Variants in MAD1L1 observed in about 807,000 individuals in gnomAD.
MAD1L1 encodes mitotic arrest deficient 1 like 1.
Under a neutral mutation model 96.9 loss-of-function variants are expected in MAD1L1, and 95 were observed. The ratio of observed to expected loss-of-function variants is 0.98; its 90% CI spans 0.83 to 1.16. The LOEUF (loss-of-function observed/expected upper bound fraction) is 1.16. Ranked by LOEUF, MAD1L1 falls within the 50% of genes most tolerant of loss-of-function variation. MAD1L1 has a pLI of 0.00. For synonymous variants in MAD1L1, 473 were observed against 396.6 expected (o/e 1.19, Z -2.29); for missense variants, 1,007 against 954.4 (o/e 1.06, Z -0.73).
At chr7:2,009,464 C>T (rs1039247731) in intron 13 of MAD1L1, among the ~76,000 whole-genome samples, 1 of 151,262 alleles carries the variant, frequency 6.6e-6, no homozygotes, top group Non-Finnish European at 1.5e-5. Flanking sequence ...AGGCCTCCAC[C>T]TTCCTGGCCA....
At chr7:1,867,814 G>A (rs1784851237) in intron 18 of MAD1L1, among the ~76,000 whole-genome samples, 1 of 152,208 alleles carries the variant, frequency 6.6e-6, no homozygotes, top group South Asian at 2.1e-4. Context: ...CATCAGCTCT[G>A]GGACAATAAT....
At chr7:2,139,231 GGCCCGAC>G (rs1788904377) in intron 11 of MAD1L1, among the ~76,000 whole-genome samples, 1 of 151,960 alleles carries the variant, frequency 6.6e-6, no homozygotes, top group South Asian at 2.1e-4. Flanking sequence ...GGGATCACAC[GGCCCGAC>G]CCCCTGAGCC....
chr7:1,822,442 A>ATATATATATTT (rs768089526), intron 18 of MAD1L1, among the ~76,000 whole-genome samples: 2,300 of 140,372 alleles, frequency 0.016, 56 homozygotes, highest in Admixed American at 0.045. Context: ...ATATATATAT[A>ATATATATATTT]TTTTTTTTTT....
At chr7:2,081,749 C>G (rs1269971529) in intron 11 of MAD1L1, among the ~76,000 whole-genome samples, 2 of 152,182 alleles carry the variant, frequency 1.3e-5, no homozygotes, top group Admixed American at 6.5e-5. Context: ...GAGCTAAGTG[C>G]GAGGGAGAAA....
At chr7:2,067,840 G>T (rs931862594) in intron 12 of MAD1L1, among the ~76,000 whole-genome samples, 1 of 152,142 alleles carries the variant, frequency 6.6e-6, no homozygotes, top group Admixed American at 6.6e-5. Context: ...CACCACCACG[G>T]CGTCCACCTC....
At chr7:2,228,613 T>A (rs1468858920) in intron 3 of MAD1L1, among the ~76,000 whole-genome samples, 2 of 151,352 alleles carry the variant, frequency 1.3e-5, no homozygotes, top group Non-Finnish European at 2.9e-5. Flanking sequence ...ATTACCTTCA[T>A]AATTTCACAA....
At chr7:2,168,638 A>G (rs1013329937) in intron 10 of MAD1L1, among the ~76,000 whole-genome samples, 14 of 152,244 alleles carry the variant, frequency 9.2e-5, no homozygotes, top group Non-Finnish European at 1.9e-4. Context: ...AAAATCGCCT[A>G]AGAATCTCTT....
At chr7:1,919,815 T>A (rs192065455) in intron 17 of MAD1L1, among the ~76,000 whole-genome samples, 23 of 152,304 alleles carry the variant, frequency 1.5e-4, no homozygotes, top group African/African-American at 4.8e-4. Flanking sequence ...CCCTCCTCCA[T>A]CAGCTCAGGA....
Position 2,074,548 on chromosome 7 carries a change from C to T in MAD1L1, c.1074-5210G>A, listed in dbSNP as rs955246779. ...AGCCCATGGAGCTGGCACCTCTAGG[C>T]GCTACGGAATCTGCAGGCTGGCAGG... On this transcript the variant is annotated intron_variant, in intron 11 of 18. Transcript: ENST00000265854. Among the ~76,000 whole-genome samples the T allele has an allele frequency of 3.9e-4, 59 of 152,316 alleles. No individual in the cohort carries two copies. In the East Asian group the frequency reaches 6.0e-3, roughly 15 times the overall value.
At chr7:2,225,054 A>G (rs1793811436) in intron 4 of MAD1L1, among the ~76,000 whole-genome samples, 1 of 152,222 alleles carries the variant, frequency 6.6e-6, no homozygotes, top group Non-Finnish European at 1.5e-5. Context: ...AGCCTCAATG[A>G]ACAGACACAG....
chr7:1,887,803 C>CGTCCTG (rs1447104214), intron 18 of MAD1L1, among the ~76,000 whole-genome samples: 12 of 83,616 alleles, frequency 1.4e-4, no homozygotes, highest in Admixed American at 4.8e-4. Flanking sequence ...ATGTATGTGG[C>CGTCCTG]TGCCTGTGTG....
intron 11 of MAD1L1, among the ~76,000 whole-genome samples, chr7:2,098,793 G>C (rs567684558): frequency 6.6e-6 from 1 of 152,350 alleles, no homozygotes; most frequent in East Asian, 1.9e-4. Context: ...CCACACGCCA[G>C]GCATCACGCA....
chr7:1,993,578 G>GT (rs1375928191), intron 14 of MAD1L1, among the ~76,000 whole-genome samples: 2 of 152,196 alleles, frequency 1.3e-5, no homozygotes, highest in Admixed American at 1.3e-4. Flanking sequence ...ATTTTCTTCT[G>GT]TTTTTTGGAG....
intron 17 of MAD1L1, among the ~76,000 whole-genome samples, chr7:1,902,252 G>C (rs1461973553): frequency 1.3e-5 from 2 of 152,226 alleles, no homozygotes; most frequent in Non-Finnish European, 1.5e-5. Flanking sequence ...GTAAAGGCTA[G>C]CTAGCAGGAA....
intron 18 of MAD1L1, chr7:1,846,167 C>G (rs1187461527): frequency 6.6e-6 from 1 of 152,616 alleles, no homozygotes; most frequent in African/African-American, 2.4e-5. Context: ...AGTGGGGAAC[C>G]TTCCAGGGCC....
chr7:2,064,121 G>A (rs1451668289), intron 12 of MAD1L1, among the ~76,000 whole-genome samples: 2 of 152,158 alleles, frequency 1.3e-5, no homozygotes, highest in Non-Finnish European at 2.9e-5. Context: ...CTGAATCCAA[G>A]GAGGCTGGGG....
rs184108600 is a variant in MAD1L1, at chr7:2,166,164, C to T, written c.987-16926G>A. ...AGACCTCGCCTCCCAGGAGGGGATC[C>T]CGCCGCAGCCCTGGACCCAGGCCAT... is the stretch of plus-strand genomic sequence containing the variant. On this transcript the variant is annotated intron_variant, in intron 10 of 18. Coordinates refer to ENST00000265854, the MANE Select transcript of MAD1L1 (RefSeq NM_001013836.2). Among the ~76,000 whole-genome samples, 683 of 152,300 alleles carry T rather than the reference C, an allele frequency of 4.5e-3. 8 individuals are homozygous for T. Among genetic ancestry groups the T allele is most frequent in the African/African-American group, 0.016 (644 of 41,544 alleles).
intron 11 of MAD1L1, among the ~76,000 whole-genome samples, chr7:2,077,353 G>A (rs986317752): frequency 1.4e-4 from 21 of 152,284 alleles, no homozygotes; most frequent in African/African-American, 4.8e-4. Flanking sequence ...TAATCATCTC[G>A]ATTTTACAGA....
intron 12 of MAD1L1, among the ~76,000 whole-genome samples, chr7:2,015,283 A>T (rs1261148369): frequency 6.6e-6 from 1 of 152,102 alleles, no homozygotes; most frequent in African/African-American, 2.4e-5. Flanking sequence ...TGGGCTGGGG[A>T]GCTCCTTGTC....
Sources: allele counts gnomAD v4.1 joint callset (sites outside exome capture counted in the v4.1 genomes callset), GRCh38; gene constraint gnomAD v4.1.1; transcripts MANE v1.5; gene names NCBI Gene and HGNC (gene_info 2026-07-23, HGNC 2026-07-21).